The following PCDHA7 variants were observed in gnomAD, a reference collection of about 807,000 sequenced individuals.
The protein encoded by PCDHA7 is protocadherin alpha 7, also known as protocadherin alpha-7.
A neutral mutation model predicts 57.2 loss-of-function variants in PCDHA7; 37 were observed. The observed-to-expected ratio is 0.65, with a 90% CI of 0.50 to 0.85. PCDHA7 has a LOEUF of 0.85. Ranked by LOEUF, PCDHA7 falls within the 40% of genes least tolerant of loss-of-function variation. The pLI, the probability that PCDHA7 is intolerant of heterozygous loss-of-function variation, is 0.00. For missense variants in PCDHA7, 1,188 were observed against 1,241.8 expected (o/e 0.96, Z 0.65); for synonymous variants, 553 against 558.8 (o/e 0.99, Z 0.15).
intron 1 of PCDHA7, chr5:140,849,848 C>G (rs1554143388): frequency 1.9e-6 from 3 of 1,598,430 alleles, no homozygotes; most frequent in African/African-American, 1.3e-5. Flanking sequence ...TGAACGACAA[C>G]GCACCAGCGT....
At chr5:140,876,058 C>G in intron 1 of PCDHA7, 4 of 1,613,868 alleles carry the variant, frequency 2.5e-6, no homozygotes, top group Non-Finnish European at 3.4e-6. Flanking sequence ...TGAATTAGTT[C>G]TTCGGAAGTT....
chr5:140,842,268 A>T, intron 1 of PCDHA7: 1 of 1,610,534 alleles, frequency 6.2e-7, no homozygotes, highest in Non-Finnish European at 8.5e-7. Context: ...GAAAACTTAT[A>T]CAAAATCCTC....
chr5:140,935,447 A>G (rs542363713), intron 1 of PCDHA7, among the ~76,000 whole-genome samples: 1 of 152,364 alleles, frequency 6.6e-6, no homozygotes, highest in South Asian at 2.1e-4. Flanking sequence ...AAATAATATG[A>G]TACTGTAGCA....
At chr5:140,841,592 G>C (rs2150318717) in intron 1 of PCDHA7, 1 of 1,614,096 alleles carries the variant, frequency 6.2e-7, no homozygotes, top group African/African-American at 1.3e-5. Context: ...TTCTCGGATC[G>C]ACCGCGAGGA....
At chr5:140,960,208 C>T (rs1295278624) in intron 1 of PCDHA7, among the ~76,000 whole-genome samples, 2 of 151,976 alleles carry the variant, frequency 1.3e-5, no homozygotes, top group Non-Finnish European at 2.9e-5. Flanking sequence ...GATGTTATTT[C>T]AGGATCTCAA....
intron 1 of PCDHA7, among the ~76,000 whole-genome samples, chr5:140,923,795 A>C (rs1282849925): frequency 6.6e-6 from 1 of 152,360 alleles, no homozygotes; most frequent in African/African-American, 2.4e-5. Context: ...CATTCTTTTC[A>C]CAAATGAAAT....
At chr5:140,840,288 A>G (rs2150305409) in intron 1 of PCDHA7, among the ~76,000 whole-genome samples, 1,565 of 152,122 alleles carry the variant, frequency 0.01, 48 homozygotes, top group African/African-American at 0.036. Flanking sequence ...TTGGGTGATT[A>G]TTGATTAGAT....
chr5:140,834,958 T>C lies in PCDHA7; in HGVS notation c.575T>C (p.Leu192Pro), dbSNP rs2150229449. The change falls in exon 1 of 4, where the codon CTT becomes CCT. Residue 192 changes from leucine to proline, a missense_variant. Physicochemically the swap from Leu to Pro is moderately conservative, Grantham distance 98 (BLOSUM62 -3). Transcript: ENST00000525929. ...VPTSNQQVKP[L>P]GLVLRKLLDR... ...ACCAGCAACCAGCAGGTAAAACCTC[T>C]TGGACTTGTATTACGGAAACTTTTA... The C allele has an allele frequency of 3.3e-6, 5 of 1,531,514 alleles. No homozygotes were observed. Among genetic ancestry groups the C allele is most frequent in the Non-Finnish European group, 4.4e-6 (5 of 1,128,532 alleles). 94.9% of individuals were successfully genotyped at this position (1,531,514 alleles called of 1,614,324 possible).
chr5:140,882,813 C>T lies in PCDHA7; in HGVS notation c.2355+46075C>T, dbSNP rs782169035. On this transcript the variant is annotated intron_variant, in intron 1 of 3. Transcript: ENST00000525929. ...CCCAACGATTATTTCACTTTGGACG[C>T]ACAAAACAGTCTTGAGCAAATGTCT... 4 of 1,614,176 alleles carry T rather than the reference C, an allele frequency of 2.5e-6. No individual in the cohort carries two copies. The East Asian group carries it at 6.7e-5, about 27-fold the overall frequency.
chr5:140,960,519 G>C (rs188949970), intron 1 of PCDHA7, among the ~76,000 whole-genome samples: 19 of 152,198 alleles, frequency 1.2e-4, no homozygotes, highest in Admixed American at 1.2e-3. Context: ...AACATAATGG[G>C]TATAGGAAAG....
At chr5:140,877,380 C>T (rs372220347) in intron 1 of PCDHA7, 25 of 1,613,862 alleles carry the variant, frequency 1.5e-5, no homozygotes, top group Middle Eastern at 1.6e-4. Context: ...CGACACGCAT[C>T]CTGGATGAGG....
Position 140,848,347 on chromosome 5 carries a change from C to T in PCDHA7, c.2355+11609C>T. On this transcript the variant is annotated intron_variant, in intron 1 of 3. Coordinates refer to ENST00000525929, the MANE Select transcript of PCDHA7 (RefSeq NM_018910.3). ...CTCTCTGAATCCAGACAAATACAGC[C>T]CTTTTCCCATGGGAAAGAGGCTCAA... The T allele has an allele frequency of 5.3e-6, 5 of 935,472 alleles. 1 individual carries two copies. The highest frequency in any genetic ancestry group is 8.2e-6 in the Non-Finnish European group (5 of 611,314). 57.9% of individuals were successfully genotyped at this position (935,472 alleles called of 1,614,324 possible). A position where few individuals can be genotyped will look rare whatever the true frequency, so the allele number is the denominator to read the frequency against.
At chr5:140,962,077 G>T (rs2095655013) in intron 1 of PCDHA7, among the ~76,000 whole-genome samples, 1 of 151,866 alleles carries the variant, frequency 6.6e-6, no homozygotes, top group South Asian at 2.1e-4. Flanking sequence ...AGTAGAGACG[G>T]GGTTTCACCA....
At chr5:140,845,938 G>T (rs1554141077) in intron 1 of PCDHA7, among the ~76,000 whole-genome samples, 1 of 149,608 alleles carries the variant, frequency 6.7e-6, no homozygotes, top group South Asian at 2.1e-4. Flanking sequence ...ACTATCTTCT[G>T]TAAAGTCATT....
At chr5:140,873,816 A>G (rs1419963733) in intron 1 of PCDHA7, among the ~76,000 whole-genome samples, 3 of 151,528 alleles carry the variant, frequency 2.0e-5, no homozygotes, top group East Asian at 3.9e-4. Context: ...ATGCACCACC[A>G]CTCCTGGCTA....
intron 1 of PCDHA7, among the ~76,000 whole-genome samples, chr5:140,838,676 C>T (rs1236293841): frequency 6.6e-6 from 1 of 152,090 alleles, no homozygotes; most frequent in East Asian, 1.9e-4. Flanking sequence ...TGGCACACAC[C>T]TTTAACCCCA....
At chr5:140,876,668 C>T (rs2056489032) in intron 1 of PCDHA7, 1 of 1,614,198 alleles carries the variant, frequency 6.2e-7, no homozygotes, top group Non-Finnish European at 8.5e-7. Flanking sequence ...AAGCTGGTGT[C>T]CACCTACAAG....
chr5:140,969,167 T>G (rs1554231527), intron 1 of PCDHA7: 1 of 1,613,668 alleles, frequency 6.2e-7, no homozygotes. Flanking sequence ...GACAGCAGGC[T>G]CAGGGAGTGA....
intron 1 of PCDHA7, chr5:140,929,903 C>T (rs11747154): frequency 0.12 from 17,815 of 152,352 alleles, 1,161 homozygotes; most frequent in Middle Eastern, 0.19. Context: ...ATCTTTAATA[C>T]GATATACCAT....
Sources: gnomAD v4.1 joint callset for allele counts (sites outside exome capture counted in the v4.1 genomes callset) on GRCh38, gnomAD v4.1.1 for gene constraint, MANE v1.5 for transcripts, NCBI Gene and HGNC (gene_info 2026-07-23, HGNC 2026-07-21) for gene names.